Variants in MTUS2 observed in about 807,000 individuals in gnomAD.
MTUS2 encodes microtubule-associated tumor suppressor candidate 2.
A neutral mutation model predicts 114.1 loss-of-function variants in MTUS2; 40 were observed. The ratio of observed to expected loss-of-function variants is 0.35; its 90% CI spans 0.27 to 0.46. The LOEUF is 0.46. Ranked by LOEUF, MTUS2 falls within the 20% of genes least tolerant of loss-of-function variation. MTUS2 has a pLI of 1.00. For missense variants in MTUS2, 1,679 were observed against 1,705.4 expected, an observed-to-expected ratio of 0.98 and a Z score of 0.27; for synonymous variants, 688 against 672.0, an observed-to-expected ratio of 1.02 and a Z score of -0.37.
At chr13:29,209,018 G>A (rs1331113124) in intron 5 of MTUS2, among the ~76,000 whole-genome samples, 3 of 151,990 alleles carry the variant, frequency 2.0e-5, no homozygotes, top group African/African-American at 7.2e-5. Flanking sequence ...GCTGTCATTG[G>A]GGTACTGAAG....
At chr13:29,263,982 A>T (rs1381814017) in intron 5 of MTUS2, among the ~76,000 whole-genome samples, 1 of 152,208 alleles carries the variant, frequency 6.6e-6, no homozygotes, top group African/African-American at 2.4e-5. Context: ...TAACATCACT[A>T]AAAAAGTCCA....
intron 5 of MTUS2, among the ~76,000 whole-genome samples, chr13:29,180,899 G>A (rs748163855): frequency 6.6e-6 from 1 of 152,052 alleles, no homozygotes; most frequent in African/African-American, 2.4e-5. Flanking sequence ...CTTCAACATA[G>A]AAATATTCCT....
intron 8 of MTUS2, among the ~76,000 whole-genome samples, chr13:29,380,291 G>A (rs1040000161): frequency 6.6e-6 from 1 of 152,238 alleles, no homozygotes; most frequent in African/African-American, 2.4e-5. Flanking sequence ...TGACCCTTAT[G>A]CCAGACAGCC....
intron 9 of MTUS2, among the ~76,000 whole-genome samples, chr13:29,449,223 G>A (rs974002980): frequency 1.3e-5 from 2 of 152,218 alleles, no homozygotes; most frequent in African/African-American, 4.8e-5. Context: ...TGATATTAAC[G>A]TATGGTAGGA....
chr13:29,353,535 A>G (rs1273823035), intron 7 of MTUS2, among the ~76,000 whole-genome samples: 2 of 152,124 alleles, frequency 1.3e-5, no homozygotes, highest in Non-Finnish European at 2.9e-5. Context: ...TCCTGGGCTC[A>G]AGCAGTCCAC....
chr13:29,388,791 A>T (rs1277375629), intron 8 of MTUS2, among the ~76,000 whole-genome samples: 2 of 152,118 alleles, frequency 1.3e-5, no homozygotes, highest in Non-Finnish European at 2.9e-5. Flanking sequence ...TCAGTGACTT[A>T]TATTGGATTA....
At chr13:29,305,355 T>G (rs1899398382) in intron 6 of MTUS2, among the ~76,000 whole-genome samples, 2 of 51,194 alleles carry the variant, frequency 3.9e-5, no homozygotes, top group Non-Finnish European at 5.5e-5. Flanking sequence ...AGAAGCTAGT[T>G]TTGTGAAAAA....
chr13:29,291,654 G>A (rs141782172), intron 6 of MTUS2, among the ~76,000 whole-genome samples: 124 of 152,260 alleles, frequency 8.1e-4, no homozygotes, highest in African/African-American at 2.8e-3. Context: ...AGATGGTTGA[G>A]GTCGTAGGGC....
At chr13:29,468,116 C>G (rs1333338494) in intron 9 of MTUS2, among the ~76,000 whole-genome samples, 1 of 151,528 alleles carries the variant, frequency 6.6e-6, no homozygotes, top group African/African-American at 2.4e-5. Flanking sequence ...GAGACCCTGC[C>G]TCAAAAAAAC....
chr13:29,185,811 T>G (rs564010825), intron 5 of MTUS2, among the ~76,000 whole-genome samples: 44 of 152,294 alleles, frequency 2.9e-4, no homozygotes, highest in African/African-American at 9.9e-4. Context: ...GGAATTAATA[T>G]AACTAGAAGA....
intron 2 of MTUS2, among the ~76,000 whole-genome samples, chr13:28,891,507 A>C (rs1878920754): frequency 6.6e-6 from 1 of 152,108 alleles, no homozygotes; most frequent in African/African-American, 2.4e-5. Context: ...ATGAGGGAGG[A>C]GCTTTGTAAA....
At chr13:29,054,028 T>C (rs1387322107) in intron 4 of MTUS2, among the ~76,000 whole-genome samples, 1 of 152,222 alleles carries the variant, frequency 6.6e-6, no homozygotes, top group Non-Finnish European at 1.5e-5. Context: ...TACAGTCCCA[T>C]GAGCAATCTA....
chr13:28,886,257 G>T (rs1200305567), intron 2 of MTUS2, among the ~76,000 whole-genome samples: 1 of 152,130 alleles, frequency 6.6e-6, no homozygotes, highest in Non-Finnish European at 1.5e-5. Flanking sequence ...GCTGTCATCT[G>T]ACTTAATTTT....
chr13:29,307,885 C>T (rs1899550152), intron 6 of MTUS2: 2 of 561,768 alleles, frequency 3.6e-6, no homozygotes. Context: ...AATCCCCCCT[C>T]CTCAGAGTTT....
chr13:29,157,777 G>T (rs1566037719), intron 5 of MTUS2, among the ~76,000 whole-genome samples: 1 of 151,454 alleles, frequency 6.6e-6, no homozygotes, highest in African/African-American at 2.4e-5. Context: ...CCTAGGTTAG[G>T]ATATATATAT....
chr13:28,961,081 C>G (rs931296705), intron 2 of MTUS2, among the ~76,000 whole-genome samples: 1 of 152,008 alleles, frequency 6.6e-6, no homozygotes, highest in African/African-American at 2.4e-5. Context: ...TAGAAATTAT[C>G]TAAACAACAG....
At chr13:28,859,270 GT>G (rs1876826907) in intron 2 of MTUS2, among the ~76,000 whole-genome samples, 1 of 152,196 alleles carries the variant, frequency 6.6e-6, no homozygotes, top group African/African-American at 2.4e-5. Context: ...AGTGGGAACT[GT>G]GGGCTGCTTG....
intron 5 of MTUS2, among the ~76,000 whole-genome samples, chr13:29,168,095 C>T (rs1893394069): frequency 6.6e-6 from 1 of 151,998 alleles, no homozygotes. Flanking sequence ...TGAAACAAGC[C>T]AAAATAACTT....
At chr13:29,459,952 G>A (rs1397962451) in intron 9 of MTUS2, among the ~76,000 whole-genome samples, 2 of 152,168 alleles carry the variant, frequency 1.3e-5, no homozygotes, top group Admixed American at 1.3e-4. Context: ...CTTCCTGGAA[G>A]ACTCAAGTCC....
Sources: gnomAD v4.1 joint callset for allele counts (sites outside exome capture counted in the v4.1 genomes callset) on GRCh38, gnomAD v4.1.1 for gene constraint, MANE v1.5 for transcripts, NCBI Gene and HGNC (gene_info 2026-07-23, HGNC 2026-07-21) for gene names.